PCDH11X: variants seen among roughly 807,000 people sequenced by gnomAD.
PCDH11X encodes protocadherin-11 X-linked.
In PCDH11X, 18 loss-of-function variants were observed where a neutral mutation model predicts 53.3. That is an observed-to-expected ratio of 0.34 (90% confidence interval 0.23 to 0.50). The LOEUF is 0.50. PCDH11X is among the 20% of genes least tolerant of loss of function. The pLI is 0.98. For missense variants in PCDH11X, 570 were observed against 1,032.4 expected (o/e 0.55, Z 6.14); for synonymous variants, 279 against 393.3 (o/e 0.71, Z 3.44).
intron 9 of PCDH11X, among the ~76,000 whole-genome samples, chrX:92,420,056 C>T (rs2071927019): frequency 1.8e-5 from 2 of 111,232 alleles, no homozygotes; most frequent in Non-Finnish European, 3.8e-5. Flanking sequence ...TGACCTCTGA[C>T]TATGTCTCCT....
At chrX:91,951,306 C>T (rs2061638636) in intron 6 of PCDH11X, among the ~76,000 whole-genome samples, 1 of 110,401 alleles carries the variant, frequency 9.1e-6, no homozygotes, top group African/African-American at 3.3e-5. Context: ...AGGAGGTCAA[C>T]TGATAGTAAC....
intron 9 of PCDH11X, among the ~76,000 whole-genome samples, chrX:92,403,096 T>G (rs2071420869): frequency 9.3e-6 from 1 of 107,540 alleles, no homozygotes; most frequent in Admixed American, 1.0e-4. Context: ...AATGGAGAAC[T>G]TCCAGAACAA....
intron 9 of PCDH11X, among the ~76,000 whole-genome samples, chrX:92,404,007 C>T (rs1436348141): frequency 9.2e-6 from 1 of 109,072 alleles, no homozygotes; most frequent in Non-Finnish European, 1.9e-5. Context: ...CACTGAAGTT[C>T]CACTGTTTAA....
chrX:92,192,613 C>G (rs771819133), intron 6 of PCDH11X, among the ~76,000 whole-genome samples: 2 of 111,769 alleles, frequency 1.8e-5, no homozygotes, highest in South Asian at 7.6e-4. Flanking sequence ...TCCTAAAGTG[C>G]TGGGATTACA....
intron 7 of PCDH11X, among the ~76,000 whole-genome samples, chrX:92,259,936 C>T (rs138837079): frequency 0.037 from 4,099 of 111,308 alleles, 81 homozygotes; most frequent in Middle Eastern, 0.07. Context: ...TGACAGTTGC[C>T]GTGTCTTCCT....
Position 92,622,987 on chromosome X carries a change from T to A in PCDH11X, c.*4047T>A, listed in dbSNP as rs943519357. Reference sequence around the variant, plus strand: ...CCTGCTTAAAATATTAAGATTTTTATGAAATATGTATTTATGTTTGTATTG... The same window carrying A: ...CCTGCTTAAAATATTAAGATTTTTAAGAAATATGTATTTATGTTTGTATTG... On this transcript the variant is annotated 3_prime_UTR_variant, in exon 11 of 11. Transcript: ENST00000682573. 1 of 110,848 alleles carries A rather than the reference T, an allele frequency of 9.0e-6. No individual in the cohort carries two copies. The highest frequency in any genetic ancestry group is 3.3e-5 in the African/African-American group (1 of 30,503). The allele number at this position is 110,848 out of a possible 1,213,427, so 9.1% of individuals were successfully genotyped here.
intron 9 of PCDH11X, among the ~76,000 whole-genome samples, chrX:92,448,258 CA>C (rs2072700411): frequency 9.1e-6 from 1 of 109,413 alleles, no homozygotes; most frequent in Admixed American, 9.8e-5. Flanking sequence ...TGGGATGCAC[CA>C]GGGGCGGAAT....
At chrX:92,179,870 C>T (rs769526390) in intron 6 of PCDH11X, among the ~76,000 whole-genome samples, 1 of 111,763 alleles carries the variant, frequency 8.9e-6, no homozygotes, top group East Asian at 2.8e-4. Flanking sequence ...CTCTATGTTA[C>T]CATATTCAGT....
chrX:92,147,810 C>CCTTCCTTT (rs1556065507), intron 6 of PCDH11X, among the ~76,000 whole-genome samples: 18 of 70,198 alleles, frequency 2.6e-4, no homozygotes, highest in East Asian at 1.1e-3. Context: ...TTTCTTCCTT[C>CCTTCCTTT]CTTTCTTTCT....
chrX:92,258,967 G>A (rs868542033), intron 7 of PCDH11X, among the ~76,000 whole-genome samples: 2 of 110,907 alleles, frequency 1.8e-5, no homozygotes, highest in South Asian at 7.6e-4. Flanking sequence ...GCACAATGCT[G>A]CCAGGTTCTT....
intron 1 of PCDH11X, among the ~76,000 whole-genome samples, chrX:91,794,237 G>T (rs1324241276): frequency 8.9e-6 from 1 of 112,086 alleles, no homozygotes; most frequent in African/African-American, 3.2e-5. Context: ...AGCTGGAGCA[G>T]ACATTTTTAG....
chrX:92,232,575 GCACGTGTGCTTGCCTACAT>G (rs1406142387), intron 7 of PCDH11X, among the ~76,000 whole-genome samples: 1 of 112,024 alleles, frequency 8.9e-6, no homozygotes, highest in Non-Finnish European at 1.9e-5. Context: ...ATGGGGCTTT[GCACGTGTGCTTGCCTACAT>G]GTATTCACTT....
At chrX:91,782,956 G>A (rs1935207013) in intron 1 of PCDH11X, among the ~76,000 whole-genome samples, 1 of 111,560 alleles carries the variant, frequency 9.0e-6, no homozygotes, top group Non-Finnish European at 1.9e-5. Context: ...AGAGGGAGGG[G>A]CAGAGGCAGG....
chrX:92,365,730 A>T (rs1196799200), intron 8 of PCDH11X, among the ~76,000 whole-genome samples: 1 of 111,221 alleles, frequency 9.0e-6, no homozygotes, highest in African/African-American at 3.3e-5. Context: ...TTCTGCATCT[A>T]TTGAGATAAT....
chrX:92,461,538 G>C (rs1377174926), intron 9 of PCDH11X, among the ~76,000 whole-genome samples: 1 of 112,054 alleles, frequency 8.9e-6, no homozygotes, highest in African/African-American at 3.2e-5. Context: ...CGTATCTCTT[G>C]CTATATACAA....
At chrX:92,538,375 A>T (rs751538629) in intron 10 of PCDH11X, among the ~76,000 whole-genome samples, 1 of 108,231 alleles carries the variant, frequency 9.2e-6, no homozygotes, top group African/African-American at 3.3e-5. Flanking sequence ...CCTTGTTATT[A>T]TTGACAACTA....
chrX:92,262,912 C>G (rs1234436974), intron 7 of PCDH11X: 1 of 435,807 alleles, frequency 2.3e-6, no homozygotes, highest in Non-Finnish European at 2.9e-6. Context: ...TGTTATATCC[C>G]TTTACTCAAA....
chrX:92,445,173 G>A (rs1213732824), intron 9 of PCDH11X, among the ~76,000 whole-genome samples: 1 of 90,879 alleles, frequency 1.1e-5, no homozygotes, highest in Non-Finnish European at 2.1e-5. Flanking sequence ...ATTGAACTGT[G>A]AATCCATTTG....
chrX:92,429,508 C>T (rs955641629), intron 9 of PCDH11X, among the ~76,000 whole-genome samples: 1 of 107,027 alleles, frequency 9.3e-6, no homozygotes, highest in South Asian at 4.2e-4. Flanking sequence ...TAATAATCCA[C>T]CCCCAGCTAA....
Sources: allele counts gnomAD v4.1 joint callset (sites outside exome capture counted in the v4.1 genomes callset), GRCh38; gene constraint gnomAD v4.1.1; transcripts MANE v1.5; gene names NCBI Gene and HGNC (gene_info 2026-07-23, HGNC 2026-07-21).